INCENP: variants seen among roughly 807,000 people sequenced by gnomAD.
INCENP encodes the protein binds and activates aurora-B and -C in vivo and in vitro.
A neutral mutation model predicts 107.3 loss-of-function variants in INCENP; 43 were observed. The observed-to-expected ratio is 0.40, with a 90% CI of 0.31 to 0.52. The LOEUF is 0.52. Among genes scored for constraint, INCENP ranks in the 20% least tolerant of loss-of-function variants. The probability of loss-of-function intolerance (pLI) is 0.53; values close to 1 mark genes in which losing one functional copy is unlikely to be tolerated. For synonymous variants in INCENP, 488 were observed against 494.4 expected, an observed-to-expected ratio of 0.99 and a Z score of 0.17; for missense variants, 1,089 against 1,250.9, an observed-to-expected ratio of 0.87 and a Z score of 1.95.
Position 62,140,961 on chromosome 11 carries a change from A to C in INCENP, c.1510A>C (p.Met504Leu). Reference protein sequence around the residue: ...TFLHTVQRNQMLMTPTSAPRS... With the variant: ...TFLHTVQRNQLLMTPTSAPRS... ...TCTGCACACAGTGCAGAGGAACCAG[A>C]TGCTCATGACCCCGACCTCAGCCCC... The change falls in exon 10 of 19, where the codon ATG becomes CTG. Residue 504 changes from methionine to leucine, a missense_variant. By Grantham distance (15) the Met-to-Leu change is conservative. Coordinates refer to ENST00000394818, the MANE Select transcript of INCENP (RefSeq NM_001040694.2). 1 of 1,614,224 alleles carries C rather than the reference A, an allele frequency of 6.2e-7. No individual in the cohort carries two copies. The highest frequency in any genetic ancestry group is 1.1e-5 in the South Asian group (1 of 91,088).
In INCENP at chr11:62,139,005, G is replaced by A; in HGVS notation, c.1291G>A (p.Glu431Lys). ...SPETPSAGQQEAKTDQADGPR... is the reference protein window; with the variant it reads ...SPETPSAGQQKAKTDQADGPR... ...GGAAACACCCTCTGCAGGGCAGCAA[G>A]GTGAGGCTTCCTGACCTGCCGTGTG... is the stretch of plus-strand genomic sequence containing the variant. Residue 431 changes from glutamate to lysine, a missense_variant and splice_region_variant, in exon 7 of 19, where the codon GAG becomes AAG. Physicochemically the swap from Glu to Lys is moderately conservative, Grantham distance 56. Coordinates refer to ENST00000394818, the MANE Select transcript of INCENP (RefSeq NM_001040694.2). The A allele has an allele frequency of 6.2e-7, 1 of 1,610,826 alleles. No homozygotes were observed. Among genetic ancestry groups the A allele is most frequent in the African/African-American group, 1.3e-5 (1 of 74,992 alleles).
In INCENP at chr11:62,138,889, TC is replaced by T; in HGVS notation, c.1178del (p.Pro393LeufsTer65). On this transcript the variant is annotated frameshift_variant and splice_region_variant, in exon 7 of 19. Coordinates refer to ENST00000394818, the MANE Select transcript of INCENP (RefSeq NM_001040694.2). ...AEPVAAAEPE[V>X]PENNGNNSWP... ...CTAAAGCCTTGGTTCTTTCCACAGG[TC>T]CCTGAGAACAATGGAAATAACTCGT... is the stretch of plus-strand genomic sequence containing the variant. The T allele has an allele frequency of 6.2e-7, 1 of 1,612,118 alleles. No individual in the cohort carries two copies. Among genetic ancestry groups the T allele is most frequent in the Non-Finnish European group, 8.5e-7 (1 of 1,178,206 alleles).
Position 62,137,663 on chromosome 11 carries a change from G to A in INCENP, c.1064-169G>A, listed in dbSNP as rs548907163. On this transcript the variant is annotated intron_variant, in intron 4 of 18. Transcript: ENST00000394818. ...GACATGAAGCCAGCAGCTCCGATAA[G>A]GACACTAGTATGAGTGCTGAGGGGA... Among the ~76,000 whole-genome samples the A allele has an allele frequency of 4.6e-5, 7 of 152,268 alleles. No homozygotes were observed. In the East Asian group the frequency reaches 1.2e-3, roughly 25 times the overall value.
chr11:62,146,255 T>A (rs989389399), intron 14 of INCENP, among the ~76,000 whole-genome samples: 1 of 152,198 alleles, frequency 6.6e-6, no homozygotes, highest in African/African-American at 2.4e-5. Flanking sequence ...ATGTGACTAG[T>A]CACCAAGGTC....
At chr11:62,127,398 T>G (rs1943775355) in intron 1 of INCENP, among the ~76,000 whole-genome samples, 1 of 152,186 alleles carries the variant, frequency 6.6e-6, no homozygotes, top group African/African-American at 2.4e-5. Context: ...AAAAAACTGT[T>G]TTTGTGTTTT....
chr11:62,126,780 C>T (rs993432735), intron 1 of INCENP, among the ~76,000 whole-genome samples: 2 of 151,564 alleles, frequency 1.3e-5, no homozygotes, highest in South Asian at 2.1e-4. Context: ...TACACACATC[C>T]TCCTGTATAC....
Position 62,151,874 on chromosome 11 carries a change from G to A in INCENP, c.2655G>A (p.Lys885=). 1 of 1,614,180 alleles carries A rather than the reference G, an allele frequency of 6.2e-7. No homozygotes were observed. Among genetic ancestry groups the A allele is most frequent in the Non-Finnish European group, 8.5e-7 (1 of 1,180,040 alleles). ...TGGAGGATATCTTCAAGAAGAGCAA[G>A]CCCCGCTATCACAAGCGCACCAGCT... ...LDLEDIFKKS[K]PRYHKRTSSA... The change falls in exon 19 of 19, where the codon AAG becomes AAA. Residue 885 remains lysine, a synonymous_variant. Transcript: ENST00000394818.
intron 1 of INCENP, among the ~76,000 whole-genome samples, chr11:62,126,714 A>C (rs1943758549): frequency 6.6e-6 from 1 of 152,224 alleles, no homozygotes; most frequent in East Asian, 1.9e-4. Flanking sequence ...TTGGATACCA[A>C]AATCCACAGA....
At position 62,130,474 on chromosome 11, in the gene INCENP, A is replaced by G. The variant is rs1943867738; in HGVS notation, c.947A>G (p.Gln316Arg). The change falls in exon 4 of 19, where the codon CAA becomes CGA. Residue 316 changes from glutamine (Q) to arginine (R), a missense_variant. Physicochemically the swap from Gln to Arg is conservative, Grantham distance 43 (BLOSUM62 1). Coordinates refer to ENST00000394818, the MANE Select transcript of INCENP (RefSeq NM_001040694.2). Reference protein sequence around the residue: ...SPIAPSSPSPQVLAQKYSLVA... With the variant: ...SPIAPSSPSPRVLAQKYSLVA... ...ATCGCCCCGTCTTCCCCGAGTCCCC[A>G]AGTCTTAGCCCAGAAGTACTCTCTG... 6.2e-7 allele frequency: 1 copy of G among 1,614,086 alleles called. No individual in the cohort carries two copies. The highest frequency in any genetic ancestry group is 8.5e-7 in the Non-Finnish European group (1 of 1,180,032).
chr11:62,145,626 C>T lies in INCENP; in HGVS notation c.1837-3C>T. On this transcript the variant is annotated splice_polypyrimidine_tract_variant and splice_region_variant and intron_variant, in intron 13 of 18. Coordinates refer to ENST00000394818, the MANE Select transcript of INCENP (RefSeq NM_001040694.2). ...AATGGGCATGTGTGGGTGGGCTCTG[C>T]AGGCCAAGGAGGAGCGGCTGGCAGA... The T allele has an allele frequency of 6.3e-7, 1 of 1,592,586 alleles. No homozygotes were observed. Among genetic ancestry groups the T allele is most frequent in the African/African-American group, 1.3e-5 (1 of 74,596 alleles).
At chr11:62,128,926 C>T (rs750649033) in intron 3 of INCENP, 43 bp downstream of exon 3, 28 of 1,309,966 alleles carry the variant, frequency 2.1e-5, no homozygotes, top group Middle Eastern at 3.7e-4. Context: ...GTGGGCTCTG[C>T]GGAGGCTTGG....
chr11:62,137,125 G>T (rs1326453883), intron 4 of INCENP, among the ~76,000 whole-genome samples: 1 of 152,048 alleles, frequency 6.6e-6, no homozygotes, highest in Non-Finnish European at 1.5e-5. Context: ...AGGCCGAGGC[G>T]GGTGGATCAC....
intron 1 of INCENP, among the ~76,000 whole-genome samples, chr11:62,126,438 T>C (rs3758966): frequency 0.57 from 86,852 of 151,926 alleles, 26,269 homozygotes; most frequent in Non-Finnish European, 0.67. Context: ...CCTCGTGATC[T>C]GCCCACTTCG....
intron 15 of INCENP, among the ~76,000 whole-genome samples, chr11:62,147,726 C>T (rs1257666952): frequency 6.6e-6 from 1 of 152,116 alleles, no homozygotes; most frequent in African/African-American, 2.4e-5. Context: ...AGAGTCACAG[C>T]CAGGGGGCTG....
At chr11:62,150,253 T>G in intron 18 of INCENP, 46 bp downstream of exon 18, 1 of 1,596,952 alleles carries the variant, frequency 6.3e-7, no homozygotes, top group Non-Finnish European at 8.6e-7. Flanking sequence ...CCCTCCCTGG[T>G]CCTCACCTTG....
intron 18 of INCENP, among the ~76,000 whole-genome samples, chr11:62,150,889 G>T: frequency 6.6e-6 from 1 of 152,202 alleles, no homozygotes; most frequent in East Asian, 1.9e-4. Flanking sequence ...GAGGGGTGCA[G>T]ACGCCCCAGA....
At chr11:62,142,364 G>A (rs1944143164) in intron 11 of INCENP, among the ~76,000 whole-genome samples, 1 of 152,228 alleles carries the variant, frequency 6.6e-6, no homozygotes. Flanking sequence ...TTGTTGGAGA[G>A]GGTGACTGAC....
chr11:62,125,744 T>G (rs61895535), intron 1 of INCENP, among the ~76,000 whole-genome samples: 6,873 of 152,300 alleles, frequency 0.045, 169 homozygotes, highest in Non-Finnish European at 0.05. Flanking sequence ...GTGGATTAAT[T>G]CATTTAACAA....
chr11:62,133,601 A>C (rs1331916908), intron 4 of INCENP, among the ~76,000 whole-genome samples: 1 of 152,164 alleles, frequency 6.6e-6, no homozygotes, highest in South Asian at 2.1e-4. Context: ...ACCAGCTCTG[A>C]GGCCTGAATG....
Sources: allele counts gnomAD v4.1 joint callset (sites outside exome capture counted in the v4.1 genomes callset), GRCh38; gene constraint gnomAD v4.1.1; transcripts MANE v1.5; gene names NCBI Gene and HGNC (gene_info 2026-07-23, HGNC 2026-07-21).